Variants in PHB1 observed in about 807,000 individuals in gnomAD.
The protein encoded by PHB1 is prohibitin 1, also known as epididymis luminal protein 215.
the PHB1 span, among the ~76,000 whole-genome samples, chr17:49,414,024 T>C: frequency 6.6e-6 from 1 of 152,190 alleles, no homozygotes; most frequent in Non-Finnish European, 1.5e-5. Context: ...GTGCTACATG[T>C]TGATGCCAAC....
the PHB1 span, chr17:49,413,119 C>G: frequency 8.8e-5 from 111 of 1,258,498 alleles, no homozygotes; most frequent in African/African-American, 4.4e-4. Flanking sequence ...ATGGGCTATG[C>G]AGACCAACAG....
the PHB1 span, chr17:49,408,845 TG>T: frequency 1.8e-6 from 1 of 552,636 alleles, no homozygotes. Flanking sequence ...AAAATGTGTG[TG>T]GCAGGGGGAA....
chr17:49,410,460 T>C, the PHB1 span, among the ~76,000 whole-genome samples: 18 of 152,256 alleles, frequency 1.2e-4, no homozygotes, highest in Non-Finnish European at 2.4e-4. Flanking sequence ...AGCAGCTTTT[T>C]GGTATCCCCT....
At chr17:49,409,530 G>GTTT in the PHB1 span, 1 of 1,146,838 alleles carries the variant, frequency 8.7e-7, no homozygotes, top group Non-Finnish European at 1.2e-6. Context: ...AGGAAAACAA[G>GTTT]TGTTTTTTTT....
chr17:49,409,418 C>T, the PHB1 span: 1 of 1,611,800 alleles, frequency 6.2e-7, no homozygotes, highest in South Asian at 1.1e-5. Context: ...TGCGAGGAAG[C>T]TGGCTGGCGA....
chr17:49,406,222 CCCA>C, the PHB1 span, among the ~76,000 whole-genome samples: 2 of 152,170 alleles, frequency 1.3e-5, no homozygotes, highest in African/African-American at 2.4e-5. Context: ...TCCCCATCTC[CCCA>C]CCAATTAGGG....
At chr17:49,404,528 A>C in the PHB1 span, 48 of 243,632 alleles carry the variant, frequency 2.0e-4, no homozygotes, top group African/African-American at 1.0e-3. Context: ...GCATCTGCAC[A>C]GGAACCGCTG....
chr17:49,414,269 G>A, the PHB1 span: 1 of 152,046 alleles, frequency 6.6e-6, no homozygotes, highest in African/African-American at 2.4e-5. Context: ...TGTCAACATC[G>A]TGTATTAAGA....
chr17:49,405,300 C>T, the PHB1 span: 55 of 1,034,246 alleles, frequency 5.3e-5, no homozygotes, highest in Non-Finnish European at 6.8e-5. Flanking sequence ...CCTTCCCAGG[C>T]TCCTGAAGGA....
At chr17:49,410,854 A>T in the PHB1 span, among the ~76,000 whole-genome samples, 1 of 152,252 alleles carries the variant, frequency 6.6e-6, no homozygotes, top group African/African-American at 2.4e-5. Context: ...AATGTGTAAC[A>T]CATATAAGGG....
At chr17:49,414,406 G>A in the PHB1 span, 4 of 151,906 alleles carry the variant, frequency 2.6e-5, no homozygotes, top group African/African-American at 9.7e-5. Context: ...AACTGGGAGG[G>A]TGGGGCTGAG....
At chr17:49,406,669 T>G in the PHB1 span, 1 of 875,836 alleles carries the variant, frequency 1.1e-6, no homozygotes, top group African/African-American at 1.7e-5. Context: ...GGATGACAGA[T>G]GATGAATTTC....
chr17:49,411,691 G>C, the PHB1 span: 3 of 1,613,898 alleles, frequency 1.9e-6, no homozygotes, highest in Non-Finnish European at 2.5e-6. Context: ...TGCTACCAGT[G>C]ATGACTGGCA....
chr17:49,410,404 T>A, the PHB1 span, among the ~76,000 whole-genome samples: 2 of 152,168 alleles, frequency 1.3e-5, no homozygotes, highest in East Asian at 3.8e-4. Flanking sequence ...GAGAACCCAA[T>A]AGAGCATCAT....
the PHB1 span, chr17:49,412,165 C>T: frequency 6.7e-5 from 16 of 238,540 alleles, no homozygotes; most frequent in South Asian, 3.9e-4. Flanking sequence ...TCTACCAAAA[C>T]TTCTAAAACT....
At chr17:49,407,327 G>A in the PHB1 span, 2 of 167,676 alleles carry the variant, frequency 1.2e-5, no homozygotes. Context: ...AGAGCCTGAT[G>A]CTCTCTGTTT....
chr17:49,405,925 A>G, the PHB1 span, among the ~76,000 whole-genome samples: 17 of 152,324 alleles, frequency 1.1e-4, no homozygotes, highest in East Asian at 1.5e-3. Flanking sequence ...TTGCCCTACC[A>G]ATATCAATAG....
At chr17:49,413,165 T>C in the PHB1 span, 1 of 1,599,214 alleles carries the variant, frequency 6.3e-7, no homozygotes, top group East Asian at 2.2e-5. Flanking sequence ...CCACTGTCCC[T>C]CCATGCCTCA....
the PHB1 span, chr17:49,409,213 A>AG: frequency 6.4e-7 from 1 of 1,573,110 alleles, no homozygotes; most frequent in Admixed American, 1.7e-5. Context: ...GAAGCAGAAA[A>AG]GGAACCAGGA....
Sources: gnomAD v4.1 joint callset for allele counts (sites outside exome capture counted in the v4.1 genomes callset) on GRCh38, gnomAD v4.1.1 for gene constraint, MANE v1.5 for transcripts, NCBI Gene and HGNC (gene_info 2026-07-23, HGNC 2026-07-21) for gene names.